The following NF2 variants were observed in gnomAD, a reference collection of about 807,000 sequenced individuals.
The protein encoded by NF2 is merlin.
Under a neutral mutation model 83.7 loss-of-function variants are expected in NF2, and 8 were observed. The observed-to-expected ratio is 0.10, with a 90% CI of 0.06 to 0.17. NF2 has a LOEUF of 0.17. NF2 is among the 10% of genes least tolerant of loss of function. NF2 has a pLI of 1.00. For synonymous variants in NF2, 266 were observed against 269.6 expected (o/e 0.99, Z 0.13); for missense variants, 533 against 744.4 (o/e 0.72, Z 3.31).
intron 15 of NF2, among the ~76,000 whole-genome samples, chr22:29,693,351 C>G (rs2067456785): frequency 1.3e-5 from 2 of 152,202 alleles, no homozygotes; most frequent in Non-Finnish European, 1.5e-5. Flanking sequence ...AGCTGCCTCC[C>G]CACATTCCGC....
chr22:29,694,653 C>A lies in NF2; in HGVS notation c.1738-99C>A. Reference sequence around the variant, plus strand: ...TATTTGAACAGCCTTCCCTTTCGCTCCCAGCCACCTTTGAGGTGAGTCCAA... The same window carrying A: ...TATTTGAACAGCCTTCCCTTTCGCTACCAGCCACCTTTGAGGTGAGTCCAA... On this transcript the variant is annotated intron_variant, in intron 15 of 15. Coordinates refer to ENST00000338641, the MANE Select transcript of NF2 (RefSeq NM_000268.4). This position sits in a 1 kb window ranked among gnomAD's most constrained non-coding sequence, Gnocchi z 4.1. The A allele has an allele frequency of 7.7e-7, 1 of 1,298,870 alleles. No individual in the cohort carries two copies. Among genetic ancestry groups the A allele is most frequent in the Non-Finnish European group, 1.1e-6 (1 of 911,186 alleles). The allele number at this position is 1,298,870 out of a possible 1,614,324, so 80.5% of individuals were successfully genotyped here. A position where few individuals can be genotyped will look rare whatever the true frequency, so the allele number is the denominator to read the frequency against.
intron 1 of NF2, among the ~76,000 whole-genome samples, chr22:29,631,849 A>G (rs932386042): frequency 6.6e-6 from 1 of 152,240 alleles, no homozygotes; most frequent in African/African-American, 2.4e-5. Flanking sequence ...AGCACAAGGA[A>G]GTTCAGTCAC....
At chr22:29,680,232 C>T (rs2067089042) in intron 14 of NF2, among the ~76,000 whole-genome samples, 1 of 152,116 alleles carries the variant, frequency 6.6e-6, no homozygotes, top group African/African-American at 2.4e-5. Flanking sequence ...CTGCCTCAGC[C>T]TCCTGAGTAG....
At chr22:29,663,726 G>T (rs2066539677) in intron 8 of NF2, among the ~76,000 whole-genome samples, 1 of 152,168 alleles carries the variant, frequency 6.6e-6, no homozygotes. Context: ...ACCCCTTCTT[G>T]GGCAATATAA....
rs888191763 is a variant in NF2 at position 29,673,601 on chromosome 22, G to C, written c.1340+115G>C. 7.5e-6 allele frequency: 9 copies of C among 1,196,900 alleles called. No individual in the cohort carries two copies. In the Admixed American group the frequency reaches 1.8e-4, roughly 24 times the overall value. The allele number at this position is 1,196,900 out of a possible 1,614,324, so 74.1% of individuals were successfully genotyped here. A position where few individuals can be genotyped will look rare whatever the true frequency, so the allele number is the denominator to read the frequency against. On this transcript the variant is annotated intron_variant, in intron 12 of 15. Coordinates refer to ENST00000338641, the MANE Select transcript of NF2 (RefSeq NM_000268.4). ...CCTCAAGCTGCTTGCCCATCTTCTG[G>C]GCCGTGGGGAGGCTCCTCCTTGGCT... is the stretch of plus-strand genomic sequence containing the variant.
intron 15 of NF2, 64 bp downstream of exon 15, chr22:29,681,665 G>A (rs1054361197): frequency 2.5e-6 from 4 of 1,602,064 alleles, no homozygotes; most frequent in African/African-American, 2.7e-5. Flanking sequence ...TGTGCGGTTG[G>A]CATCTGGTTT....
At chr22:29,656,506 G>A (rs1347794783) in intron 6 of NF2, among the ~76,000 whole-genome samples, 1 of 148,712 alleles carries the variant, frequency 6.7e-6, no homozygotes, top group Non-Finnish European at 1.5e-5. Context: ...CCGCCTCCCA[G>A]GTTCACGCCA....
rs2067575247 is a variant in NF2, at chr22:29,697,136, CAT to C, written c.*2335_*2336del. Reference sequence around the variant, plus strand: ...CCGGTCTCTTCTCAGTCTTGAAGCCCATCCCTGGATTTCCACCAGGAGTTACT... The same window carrying C: ...CCGGTCTCTTCTCAGTCTTGAAGCCCCCCTGGATTTCCACCAGGAGTTACT... On this transcript the variant is annotated 3_prime_UTR_variant, in exon 16 of 16. Transcript: ENST00000338641. 1 of 202,030 alleles carries C rather than the reference CAT, an allele frequency of 4.9e-6. No individual in the cohort carries two copies. Among genetic ancestry groups the C allele is most frequent in the Non-Finnish European group, 1.0e-5 (1 of 98,110 alleles). The allele number at this position is 202,030 out of a possible 1,614,324, so 12.5% of individuals were successfully genotyped here. A position where few individuals can be genotyped will look rare whatever the true frequency, so the allele number is the denominator to read the frequency against.
intron 1 of NF2, among the ~76,000 whole-genome samples, chr22:29,624,356 C>T (rs545323381): frequency 6.6e-6 from 1 of 152,218 alleles, no homozygotes; most frequent in South Asian, 2.1e-4. Flanking sequence ...TATAGGAGTG[C>T]ACCACCACGC....
At chr22:29,689,452 G>A (rs975830657) in intron 15 of NF2, among the ~76,000 whole-genome samples, 1 of 152,012 alleles carries the variant, frequency 6.6e-6, no homozygotes, top group African/African-American at 2.4e-5. Context: ...TTTTCAATAT[G>A]TAGTAGTGGA....
chr22:29,642,100 T>A, intron 3 of NF2, 102 bp from the exon 4 acceptor site: 1 of 928,242 alleles, frequency 1.1e-6, no homozygotes, highest in Non-Finnish European at 1.8e-6. Context: ...CAGGCTGCTC[T>A]GGCAGCCCTC....
At chr22:29,659,329 C>T (rs1262183357) in intron 7 of NF2, among the ~76,000 whole-genome samples, 1 of 152,120 alleles carries the variant, frequency 6.6e-6, no homozygotes, top group Non-Finnish European at 1.5e-5. Context: ...CCTCAGAAAA[C>T]AGTTTTTTTG....
At position 29,671,830 on chromosome 22, in the gene NF2, A is replaced by G. The variant is rs1305519234; in HGVS notation, c.1004A>G (p.Glu335Gly). The change falls in exon 11 of 16, where the codon GAG (glutamate) becomes GGG (glycine). Residue 335 changes from glutamate to glycine, a missense_variant. Around this residue, in one of 3 missense-constraint regions of NF2, gnomAD observed 326 missense variants for 475.1 expected, o/e 0.69. Transcript: ENST00000338641. ...GTTTTTCTTCACCCCTCGCAGATGGAGCGGCAGCGCCTCGCTCGAGAGAAG... is the reference window on the plus strand; with the variant it reads ...GTTTTTCTTCACCCCTCGCAGATGGGGCGGCAGCGCCTCGCTCGAGAGAAG... ...AREEKARKQM[E>G]RQRLAREKQM... The G allele has an allele frequency of 6.2e-7, 1 of 1,613,838 alleles. No homozygotes were observed. The highest frequency in any genetic ancestry group is 8.5e-7 in the Non-Finnish European group (1 of 1,179,936).
intron 4 of NF2, among the ~76,000 whole-genome samples, chr22:29,648,405 T>A (rs1445519129): frequency 6.6e-6 from 1 of 152,124 alleles, no homozygotes; most frequent in African/African-American, 2.4e-5. Context: ...TTCAAACCCA[T>A]AAGATTGGCA....
At chr22:29,652,178 C>G (rs1289418022) in intron 4 of NF2, among the ~76,000 whole-genome samples, 1 of 152,112 alleles carries the variant, frequency 6.6e-6, no homozygotes, top group Admixed American at 6.6e-5. Context: ...TTCAGCACCC[C>G]CCCACTTCCC....
intron 1 of NF2, among the ~76,000 whole-genome samples, chr22:29,619,022 C>G (rs2065143721): frequency 6.6e-6 from 1 of 152,048 alleles, no homozygotes; most frequent in Non-Finnish European, 1.5e-5. Context: ...CAAGAAACTT[C>G]TATTCCTGTT....
intron 2 of NF2, among the ~76,000 whole-genome samples, chr22:29,638,349 A>ATT (rs766276794): frequency 2.3e-5 from 3 of 130,144 alleles, no homozygotes; most frequent in Non-Finnish European, 5.0e-5. Context: ...TCTAAGCTGT[A>ATT]TTTTTTTTTT....
At chr22:29,645,059 GA>G (rs1380000605) in intron 4 of NF2, among the ~76,000 whole-genome samples, 1 of 152,036 alleles carries the variant, frequency 6.6e-6, no homozygotes, top group African/African-American at 2.4e-5. Context: ...CTTAAGGTTA[GA>G]AAAAATAATA....
Position 29,639,230 on chromosome 22 carries a change from A to T in NF2, c.363+18A>T, listed in dbSNP as rs1359073168. 3 of 1,613,762 alleles carry T rather than the reference A, an allele frequency of 1.9e-6. No homozygotes were observed. The highest frequency in any genetic ancestry group is 2.5e-6 in the Non-Finnish European group (3 of 1,179,980). On this transcript the variant is annotated intron_variant, in intron 3 of 15. Transcript: ENST00000338641. Reference sequence around the variant, plus strand: ...TCTTACAGGTACATCAGTCAAGGCTACCCCCCAGTTCTGAGAGAACTTGCC... The same window carrying T: ...TCTTACAGGTACATCAGTCAAGGCTTCCCCCCAGTTCTGAGAGAACTTGCC...
Sources: allele counts gnomAD v4.1 joint callset (sites outside exome capture counted in the v4.1 genomes callset), GRCh38; gene constraint gnomAD v4.1.1; regional missense constraint gnomAD v4.1.1; non-coding constraint Gnocchi (gnomAD v3.1); transcripts MANE v1.5; gene names NCBI Gene and HGNC (gene_info 2026-07-23, HGNC 2026-07-21).